The following XRN1 variants were observed in gnomAD, a reference collection of about 807,000 sequenced individuals.
XRN1 encodes strand-exchange protein 1 homolog.
In XRN1, 67 loss-of-function variants were observed where a neutral mutation model predicts 222.3. That is an observed-to-expected ratio of 0.30 (90% CI 0.25 to 0.37). The LOEUF is 0.37. Ranked by LOEUF, XRN1 falls within the 10% of genes least tolerant of loss-of-function variation. The pLI is 1.00. For missense variants in XRN1, 1,707 were observed against 2,000.2 expected (o/e 0.85, Z 2.80); for synonymous variants, 643 against 652.4 (o/e 0.99, Z 0.22).
intron 3 of XRN1, 80 bp from the exon 4 acceptor site, chr3:142,425,618 C>G (rs1027338901): frequency 1.8e-5 from 21 of 1,181,314 alleles, no homozygotes; most frequent in Non-Finnish European, 2.4e-5. Context: ...ATAACTGAAT[C>G]TGAGTACGCC....
Position 142,417,223 on chromosome 3 carries a change from A to G in XRN1, c.1353T>C (p.Phe451=), listed in dbSNP as rs754927780. 5 of 1,613,090 alleles carry G rather than the reference A, an allele frequency of 3.1e-6. No homozygotes were observed. The highest frequency in any genetic ancestry group is 2.2e-5 in the East Asian group (1 of 44,858). ...CATAACATGCAGCTTGATCAGCCAGAAAGTCACTGAAAATAGAATATTTTC... is the reference window on the plus strand; with the variant it reads ...CATAACATGCAGCTTGATCAGCCAGGAAGTCACTGAAAATAGAATATTTTC... ...KMGVDVVSDD[F]LADQAACYVQ... is the part of the protein sequence containing the mutation. The change falls in exon 13 of 41, where the codon TTT becomes TTC. Residue 451 remains phenylalanine, a synonymous_variant. Coordinates refer to ENST00000392981, the MANE Select transcript of XRN1 (RefSeq NM_001282857.2).
At position 142,310,844 on chromosome 3, in the gene XRN1, G is replaced by C. The variant is rs55924393; in HGVS notation, c.*667C>G. 7.1e-4 allele frequency: 108 copies of C among 152,684 alleles called. No individual in the cohort carries two copies. Among genetic ancestry groups the C allele is most frequent in the African/African-American group, 2.6e-3 (107 of 41,558 alleles). 9.5% of individuals were successfully genotyped at this position (152,684 alleles called of 1,614,324 possible). On this transcript the variant is annotated 3_prime_UTR_variant, in exon 41 of 41. Transcript: ENST00000392981. ...ACTCAAATTTAGAATGCTATTTATAGTTCTAAGCAGTTAGATGAAATATTC... is the reference window on the plus strand; with the variant it reads ...ACTCAAATTTAGAATGCTATTTATACTTCTAAGCAGTTAGATGAAATATTC...
intron 33 of XRN1, among the ~76,000 whole-genome samples, chr3:142,338,488 G>A (rs1394370784): frequency 1.3e-5 from 2 of 152,156 alleles, no homozygotes; most frequent in East Asian, 1.9e-4. Context: ...TTCGATAAGA[G>A]TCTGAGACAT....
rs558640083 is a variant in XRN1, at chr3:142,329,603, T to C, written c.4235A>G (p.Asn1412Ser). Residue 1412 changes from asparagine to serine, a missense_variant, in exon 37 of 41, where the codon AAC becomes AGC. Around this residue, in one of 2 missense-constraint regions of XRN1, gnomAD observed 473 missense variants for 482.0 expected, o/e 0.98. Transcript: ENST00000392981. ...KQNKKLASYM[N>S]KPHSANEYHN... is the part of the protein sequence containing the mutation. ...GTACTCATTAGCACTGTGAGGCTTG[T>C]TCATATAAGATGCTACCAAAAAAGA... 188 of 1,540,244 alleles carry C rather than the reference T, an allele frequency of 1.2e-4. 2 individuals are homozygous for C. In the South Asian group the frequency reaches 2.0e-3, roughly 16 times the overall value.
chr3:142,444,918 T>C (rs1035675824), intron 1 of XRN1, among the ~76,000 whole-genome samples: 1 of 152,220 alleles, frequency 6.6e-6, no homozygotes, highest in Non-Finnish European at 1.5e-5. Context: ...TAATATACCA[T>C]GTCTATTTTA....
chr3:142,388,257 CTTAA>C (rs569405353), intron 20 of XRN1, among the ~76,000 whole-genome samples: 289 of 129,074 alleles, frequency 2.2e-3, no homozygotes, highest in African/African-American at 9.2e-3. Flanking sequence ...ACCACTACCA[CTTAA>C]TTAATAGTAA....
At chr3:142,427,845 G>A (rs2069325982) in intron 2 of XRN1, among the ~76,000 whole-genome samples, 1 of 152,216 alleles carries the variant, frequency 6.6e-6, no homozygotes, top group African/African-American at 2.4e-5. Context: ...TCTGCTTTGA[G>A]TATAGTTTCT....
intron 1 of XRN1, among the ~76,000 whole-genome samples, chr3:142,446,152 T>C (rs1261727181): frequency 6.6e-6 from 1 of 152,228 alleles, no homozygotes; most frequent in Non-Finnish European, 1.5e-5. Context: ...TCAGAGAAAC[T>C]GAAAACCTAT....
At chr3:142,375,556 A>C (rs2067117855) in intron 25 of XRN1, among the ~76,000 whole-genome samples, 1 of 152,186 alleles carries the variant, frequency 6.6e-6, no homozygotes, top group South Asian at 2.1e-4. Flanking sequence ...TAAGTTAAGA[A>C]AAATTTTAAC....
Position 142,421,060 on chromosome 3 carries a change from C to A in XRN1, c.1129G>T (p.Ala377Ser). The change falls in exon 10 of 41, where the codon GCA becomes TCA. Residue 377 changes from alanine (A) to serine (S), a missense_variant. Around this residue, in one of 2 missense-constraint regions of XRN1, gnomAD observed 1,234 missense variants for 1,518.2 expected, o/e 0.81. Coordinates refer to ENST00000392981, the MANE Select transcript of XRN1 (RefSeq NM_001282857.2). ...NKYLNEAAGV[A>S]AEEARNYKEK... ...TTGTAGTTCCTGGCTTCTTCTGCTG[C>A]GACACCTGCTGCTTCATTGAGGTAC... is the stretch of plus-strand genomic sequence containing the variant. The A allele has an allele frequency of 6.2e-7, 1 of 1,613,994 alleles. No individual in the cohort carries two copies. Among genetic ancestry groups the A allele is most frequent in the Non-Finnish European group, 8.5e-7 (1 of 1,179,970 alleles).
At chr3:142,388,829 T>C (rs1429242521) in intron 20 of XRN1, among the ~76,000 whole-genome samples, 3 of 152,212 alleles carry the variant, frequency 2.0e-5, no homozygotes, top group Non-Finnish European at 4.4e-5. Context: ...TCCTAAATCC[T>C]TTGCTGTCAT....
chr3:142,363,493 T>C (rs554479519), intron 29 of XRN1, among the ~76,000 whole-genome samples: 1 of 152,308 alleles, frequency 6.6e-6, no homozygotes, highest in East Asian at 1.9e-4. Flanking sequence ...CTAATTATAT[T>C]CCATTGATCT....
intron 23 of XRN1, among the ~76,000 whole-genome samples, chr3:142,379,220 A>G (rs1326040913): frequency 2.6e-5 from 4 of 152,122 alleles, no homozygotes; most frequent in African/African-American, 9.7e-5. Context: ...GCACTGAGCC[A>G]AGATCGTGCC....
chr3:142,329,503 A>C lies in XRN1; in HGVS notation c.4335T>G (p.Thr1445=). ...SQIPPVSTPV[T]ELSRICSLVG... Reference sequence around the variant, plus strand: ...CAAGGGAACAAATTCGAGAAAGTTCAGTTACTGGTGTGGATACAGGAGGGA... The same window carrying C: ...CAAGGGAACAAATTCGAGAAAGTTCCGTTACTGGTGTGGATACAGGAGGGA... Residue 1445 remains threonine (T), a synonymous_variant, in exon 37 of 41, where the codon ACT becomes ACG. Transcript: ENST00000392981. 2 of 1,595,538 alleles carry C rather than the reference A, an allele frequency of 1.3e-6. No homozygotes were observed. Among genetic ancestry groups the C allele is most frequent in the Admixed American group, 3.6e-5 (2 of 55,382 alleles).
chr3:142,339,239 T>C (rs1406166850), intron 33 of XRN1, among the ~76,000 whole-genome samples: 1 of 152,096 alleles, frequency 6.6e-6, no homozygotes, highest in Non-Finnish European at 1.5e-5. Flanking sequence ...CAGAAAGAGA[T>C]ACCCCATTTG....
Position 142,432,800 on chromosome 3 carries a change from C to A in XRN1, c.169G>T (p.Asp57Tyr). ...NDDDVHFRISDDKIFTDIFHY... is the reference protein window; with the variant it reads ...NDDDVHFRISYDKIFTDIFHY... ...AAAATATCAGTAAAGATTTTATCAT[C>A]TGAAATTCTAAAGTGAACATCATCA... Residue 57 changes from aspartate to tyrosine, a missense_variant, in exon 2 of 41, where the codon GAT becomes TAT. This residue lies in a region of XRN1 where 1,234 missense variants were observed against 1,518.2 expected (regional missense o/e 0.81). Transcript: ENST00000392981. 2 of 1,613,994 alleles carry A rather than the reference C, an allele frequency of 1.2e-6. No homozygotes were observed. Among genetic ancestry groups the A allele is most frequent in the Non-Finnish European group, 1.7e-6 (2 of 1,180,010 alleles).
intron 3 of XRN1, 141 bp downstream of exon 3, chr3:142,426,603 T>C (rs1221899882): frequency 2.8e-6 from 2 of 727,096 alleles, no homozygotes. Context: ...AATCGTCTCA[T>C]GAGCAAACAT....
intron 24 of XRN1, chr3:142,376,193 A>C: frequency 1.5e-6 from 1 of 681,194 alleles, no homozygotes; most frequent in Non-Finnish European, 2.2e-6. Flanking sequence ...ATAGAGGAAA[A>C]TGAAATAACA....
chr3:142,396,455 A>G (rs1449718115), intron 20 of XRN1, among the ~76,000 whole-genome samples: 1 of 152,232 alleles, frequency 6.6e-6, no homozygotes, highest in Non-Finnish European at 1.5e-5. Context: ...TTTTATTTAT[A>G]TGCTACAAAA....
Sources: allele counts gnomAD v4.1 joint callset (sites outside exome capture counted in the v4.1 genomes callset), GRCh38; gene constraint gnomAD v4.1.1; regional missense constraint gnomAD v4.1.1; transcripts MANE v1.5; gene names NCBI Gene and HGNC (gene_info 2026-07-23, HGNC 2026-07-21).